The following GALNT17 variants were observed in gnomAD, a reference collection of about 807,000 sequenced individuals.
GALNT17 encodes polypeptide N-acetylgalactosaminyltransferase 17, also known as UDP-GalNAc:polypeptide N-acetylgalactosaminyltransferase-like 3.
A neutral mutation model predicts 63.7 loss-of-function variants in GALNT17; 29 were observed. That is an observed-to-expected ratio of 0.46 (90% CI 0.34 to 0.62). The LOEUF is 0.62. Among genes scored for constraint, GALNT17 ranks in the 20% least tolerant of loss-of-function variants. The pLI is 0.01. For synonymous variants in GALNT17, 305 were observed against 318.3 expected (o/e 0.96, Z 0.45); for missense variants, 603 against 799.6 (o/e 0.75, Z 2.97).
At chr7:71,541,119 C>T (rs1788883625) in intron 5 of GALNT17, among the ~76,000 whole-genome samples, 1 of 151,988 alleles carries the variant, frequency 6.6e-6, no homozygotes, top group East Asian at 1.9e-4. Flanking sequence ...TGGTGTATAC[C>T]TGTAATCCCA....
chr7:71,578,567 C>G (rs1434530405), intron 6 of GALNT17, among the ~76,000 whole-genome samples: 1 of 152,104 alleles, frequency 6.6e-6, no homozygotes, highest in East Asian at 1.9e-4. Flanking sequence ...ATGTCAAACT[C>G]CTGACCTCAA....
chr7:71,236,163 C>G (rs993369361), intron 1 of GALNT17, among the ~76,000 whole-genome samples: 1 of 150,722 alleles, frequency 6.6e-6, no homozygotes, highest in African/African-American at 2.5e-5. Context: ...CCTGGGTAGA[C>G]AGAGTGAGAC....
chr7:71,254,298 C>T (rs1217564999), intron 1 of GALNT17, among the ~76,000 whole-genome samples: 1 of 152,148 alleles, frequency 6.6e-6, no homozygotes, highest in African/African-American at 2.4e-5. Flanking sequence ...GGCTTCAGAG[C>T]TCTTATTGGA....
chr7:71,243,401 C>G (rs1790035240), intron 1 of GALNT17, among the ~76,000 whole-genome samples: 1 of 152,266 alleles, frequency 6.6e-6, no homozygotes, highest in Admixed American at 6.5e-5. Context: ...AATACATCTA[C>G]TCTTCAATGA....
chr7:71,206,093 G>A (rs1404086172), intron 1 of GALNT17, among the ~76,000 whole-genome samples: 1 of 148,714 alleles, frequency 6.7e-6, no homozygotes, highest in African/African-American at 2.5e-5. Context: ...TGAGGTGTGT[G>A]TGTTCATGTG....
chr7:71,507,477 G>A (rs1788287010), intron 5 of GALNT17, among the ~76,000 whole-genome samples: 1 of 152,256 alleles, frequency 6.6e-6, no homozygotes, highest in South Asian at 2.1e-4. Flanking sequence ...CTTGTCACAG[G>A]TCCAGAATAA....
At chr7:71,593,406 C>CATTTTGGGCT (rs1789840121) in intron 6 of GALNT17, among the ~76,000 whole-genome samples, 1 of 151,790 alleles carries the variant, frequency 6.6e-6, no homozygotes, top group Non-Finnish European at 1.5e-5. Flanking sequence ...GCTGGGATTA[C>CATTTTGGGCT]AGGTGCGTGC....
chr7:71,365,468 G>T (rs1792486726), intron 2 of GALNT17, among the ~76,000 whole-genome samples: 1 of 152,150 alleles, frequency 6.6e-6, no homozygotes, highest in African/African-American at 2.4e-5. Context: ...TCAATCTCTT[G>T]ACCTGTGGTG....
chr7:71,295,854 C>G (rs1185537357), intron 1 of GALNT17, among the ~76,000 whole-genome samples: 1 of 151,834 alleles, frequency 6.6e-6, no homozygotes, highest in Non-Finnish European at 1.5e-5. Flanking sequence ...CTCAGCCTCT[C>G]AAGTAGCTGG....
intron 5 of GALNT17, among the ~76,000 whole-genome samples, chr7:71,514,286 C>T (rs982859939): frequency 1.3e-4 from 20 of 152,068 alleles, no homozygotes; most frequent in Admixed American, 3.3e-4. Flanking sequence ...CAGCTGGGAA[C>T]GATCAAGGAT....
At chr7:71,514,212 A>G (rs1788410736) in intron 5 of GALNT17, among the ~76,000 whole-genome samples, 1 of 152,062 alleles carries the variant, frequency 6.6e-6, no homozygotes, top group African/African-American at 2.4e-5. Flanking sequence ...AACACCACCA[A>G]CAAAAAACTG....
intron 1 of GALNT17, among the ~76,000 whole-genome samples, chr7:71,242,277 T>C (rs1294250211): frequency 1.7e-5 from 2 of 117,336 alleles, no homozygotes; most frequent in Non-Finnish European, 4.0e-5. Flanking sequence ...TTTTTCTTTT[T>C]TTTTTTTTTT....
intron 9 of GALNT17, among the ~76,000 whole-genome samples, chr7:71,692,874 G>T (rs1791476582): frequency 1.3e-5 from 2 of 151,608 alleles, no homozygotes; most frequent in Admixed American, 1.3e-4. Flanking sequence ...GAGTAACTGG[G>T]ATTACAGGTG....
intron 5 of GALNT17, among the ~76,000 whole-genome samples, chr7:71,550,374 T>G (rs1038866593): frequency 4.0e-5 from 6 of 150,478 alleles, no homozygotes; most frequent in Admixed American, 6.8e-5. Context: ...TTTTGTTTTT[T>G]TGTGTGTGTT....
intron 6 of GALNT17, among the ~76,000 whole-genome samples, chr7:71,609,032 C>T (rs1335207100): frequency 6.6e-6 from 1 of 151,436 alleles, no homozygotes; most frequent in Non-Finnish European, 1.5e-5. Context: ...CCTCCCATTA[C>T]AGCCTCCCAA....
intron 2 of GALNT17, among the ~76,000 whole-genome samples, chr7:71,377,103 AAAATAAAAAAAATAT>A (rs1172203126): frequency 4.8e-5 from 3 of 62,986 alleles, no homozygotes; most frequent in South Asian, 9.2e-4. Context: ...AAAAAAAATA[AAAATAAAAAAAATAT>A]ATATATATAT....
chr7:71,700,062 C>T (rs763409967), intron 9 of GALNT17, among the ~76,000 whole-genome samples: 104 of 151,990 alleles, frequency 6.8e-4, no homozygotes, highest in Admixed American at 2.1e-3. Flanking sequence ...GAGGCCAAGG[C>T]GGGCAGATCA....
intron 1 of GALNT17, among the ~76,000 whole-genome samples, chr7:71,151,825 C>T (rs1457859742): frequency 6.6e-6 from 1 of 152,060 alleles, no homozygotes; most frequent in Non-Finnish European, 1.5e-5. Context: ...GTTACAGTTT[C>T]TGCTGAAAGG....
intron 9 of GALNT17, among the ~76,000 whole-genome samples, chr7:71,700,767 G>T (rs530436039): frequency 6.6e-6 from 1 of 152,202 alleles, no homozygotes; most frequent in South Asian, 2.1e-4. Context: ...TCCTCTTTTG[G>T]ATGGGGACTC....
Sources: allele counts gnomAD v4.1 joint callset (sites outside exome capture counted in the v4.1 genomes callset), GRCh38; gene constraint gnomAD v4.1.1; transcripts MANE v1.5; gene names NCBI Gene and HGNC (gene_info 2026-07-23, HGNC 2026-07-21).